Variants in ADAMTS6 observed in about 807,000 individuals in gnomAD.
The protein encoded by ADAMTS6 is ADAM metallopeptidase with thrombospondin type 1 motif 6, also known as A disintegrin and metalloproteinase with thrombospondin motifs 6.
A neutral mutation model predicts 144.3 loss-of-function variants in ADAMTS6; 23 were observed. The ratio of observed to expected loss-of-function variants is 0.16; its 90% CI spans 0.11 to 0.23. ADAMTS6 has a LOEUF of 0.23. Ranked by LOEUF, ADAMTS6 falls within the 10% of genes least tolerant of loss-of-function variation. ADAMTS6 has a pLI of 1.00. For synonymous variants in ADAMTS6, 444 were observed against 457.5 expected, an observed-to-expected ratio of 0.97 and a Z score of 0.38; for missense variants, 999 against 1,379.6, an observed-to-expected ratio of 0.72 and a Z score of 4.37.
At chr5:65,440,302 A>T (rs1221920075) in intron 7 of ADAMTS6, among the ~76,000 whole-genome samples, 2 of 152,208 alleles carry the variant, frequency 1.3e-5, no homozygotes, top group East Asian at 3.9e-4. Flanking sequence ...AACAAATTAT[A>T]TGAAATATCA....
At chr5:65,330,596 C>A (rs1054481157) in intron 8 of ADAMTS6, among the ~76,000 whole-genome samples, 2 of 152,042 alleles carry the variant, frequency 1.3e-5, no homozygotes, top group African/African-American at 4.8e-5. Context: ...TAATTAGAAA[C>A]AATAAATGGT....
intron 7 of ADAMTS6, among the ~76,000 whole-genome samples, chr5:65,373,605 G>A (rs1242292313): frequency 6.6e-6 from 1 of 152,016 alleles, no homozygotes; most frequent in Non-Finnish European, 1.5e-5. Flanking sequence ...TTGAAATTGT[G>A]GCAATAATCA....
chr5:65,219,270 C>T (rs1397854503), intron 18 of ADAMTS6, among the ~76,000 whole-genome samples: 2 of 152,174 alleles, frequency 1.3e-5, no homozygotes, highest in African/African-American at 4.8e-5. Flanking sequence ...TCTGCTTTCA[C>T]ACTACAATGG....
intron 7 of ADAMTS6, among the ~76,000 whole-genome samples, chr5:65,402,878 G>T (rs1754054355): frequency 6.6e-6 from 1 of 152,048 alleles, no homozygotes. Flanking sequence ...TGAACTCCAT[G>T]GACTCTTCAG....
intron 7 of ADAMTS6, among the ~76,000 whole-genome samples, chr5:65,399,134 G>A (rs758646182): frequency 1.3e-5 from 2 of 152,034 alleles, no homozygotes; most frequent in South Asian, 2.1e-4. Flanking sequence ...GTGGGCGCCT[G>A]TAATCCCATC....
At chr5:65,407,276 C>T (rs1754605240) in intron 7 of ADAMTS6, among the ~76,000 whole-genome samples, 1 of 151,838 alleles carries the variant, frequency 6.6e-6, no homozygotes, top group Non-Finnish European at 1.5e-5. Context: ...ATCAGACTAA[C>T]AGCAGATCTC....
intron 14 of ADAMTS6, among the ~76,000 whole-genome samples, chr5:65,242,996 T>C (rs1310577648): frequency 1.3e-5 from 2 of 152,096 alleles, no homozygotes; most frequent in Non-Finnish European, 2.9e-5. Context: ...CTAGATTCTA[T>C]ATACCACAGG....
intron 7 of ADAMTS6, among the ~76,000 whole-genome samples, chr5:65,402,968 CT>C (rs201153507): frequency 2.1e-4 from 32 of 151,066 alleles, no homozygotes; most frequent in African/African-American, 7.0e-4. Flanking sequence ...CCTTTTCTTC[CT>C]TTTTTTTTCA....
Position 65,473,631 on chromosome 5 carries a change from T to G in ADAMTS6, c.43A>C (p.Ile15Leu), listed in dbSNP as rs777425578. 1.1e-5 allele frequency: 17 copies of G among 1,613,764 alleles called. No homozygotes were observed. The highest frequency in any genetic ancestry group is 1.4e-5 in the Non-Finnish European group (17 of 1,179,776). Residue 15 changes from isoleucine to leucine, a missense_variant, in exon 2 of 25, where the codon ATC becomes CTC. Physicochemically the swap from Ile to Leu is conservative, Grantham distance 5. Around this residue, in one of 3 missense-constraint regions of ADAMTS6, gnomAD observed 252 missense variants for 293.7 expected, o/e 0.86. Coordinates refer to ENST00000381055, the MANE Select transcript of ADAMTS6 (RefSeq NM_197941.4). ...WKTLTWILSL[I>L]MASSEFHSDH... ...CTATGAAATTCCGATGAAGCCATGA[T>G]GAGGCTCAAAATCCAGGTCAACGTC...
intron 1 of ADAMTS6, among the ~76,000 whole-genome samples, chr5:65,474,158 GT>G (rs1760673554): frequency 6.6e-6 from 1 of 152,014 alleles, no homozygotes. Context: ...TAATGCCAGA[GT>G]TACTTAATAA....
intron 11 of ADAMTS6, among the ~76,000 whole-genome samples, chr5:65,282,294 T>C (rs1399618774): frequency 6.6e-6 from 1 of 152,076 alleles, no homozygotes; most frequent in Non-Finnish European, 1.5e-5. Flanking sequence ...GATTTTCTGA[T>C]TGGCAGTTGG....
chr5:65,420,032 G>C (rs1194752195), intron 7 of ADAMTS6, among the ~76,000 whole-genome samples: 2 of 152,164 alleles, frequency 1.3e-5, no homozygotes, highest in Non-Finnish European at 2.9e-5. Flanking sequence ...AATTCAGCAT[G>C]GCTGGGGAGG....
At chr5:65,362,523 G>C (rs1417152573) in intron 7 of ADAMTS6, among the ~76,000 whole-genome samples, 1 of 151,812 alleles carries the variant, frequency 6.6e-6, no homozygotes, top group South Asian at 2.1e-4. Flanking sequence ...CTCTGAGACT[G>C]TTTCTTAAAA....
chr5:65,383,788 C>G (rs1347181046), intron 7 of ADAMTS6, among the ~76,000 whole-genome samples: 1 of 152,102 alleles, frequency 6.6e-6, no homozygotes, highest in Non-Finnish European at 1.5e-5. Flanking sequence ...TGGGGGCCCT[C>G]TATGGTGACT....
At position 65,260,477 on chromosome 5, in the gene ADAMTS6, T is replaced by C. The variant is rs191496212; in HGVS notation, c.1830+123A>G. 128 of 741,980 alleles carry C rather than the reference T, an allele frequency of 1.7e-4. No individual in the cohort carries two copies. The East Asian group carries it at 3.4e-3, about 20-fold the overall frequency. The allele number at this position is 741,980 out of a possible 1,614,324, so 46.0% of individuals were successfully genotyped here. A position where few individuals can be genotyped will look rare whatever the true frequency, so the allele number is the denominator to read the frequency against. On this transcript the variant is annotated intron_variant, in intron 14 of 24. Coordinates refer to ENST00000381055, the MANE Select transcript of ADAMTS6 (RefSeq NM_197941.4). ...CCAGCTCCATTCATTATTAACAATT[T>C]AGAAAATTAATGTGACCTTCACACA...
chr5:65,340,242 A>C (rs1747693519), intron 7 of ADAMTS6, among the ~76,000 whole-genome samples: 1 of 152,152 alleles, frequency 6.6e-6, no homozygotes, highest in Non-Finnish European at 1.5e-5. Flanking sequence ...AAAGAAAAAA[A>C]AAATATGCCA....
Position 65,452,826 on chromosome 5 carries a change from G to C in ADAMTS6, c.724C>G (p.Gln242Glu), listed in dbSNP as rs1758858564. The change falls in exon 5 of 25, where the codon CAG becomes GAG. Residue 242 changes from glutamine to glutamate, a missense_variant. By Grantham distance (29) the Gln-to-Glu change is conservative. This residue lies in a region of ADAMTS6 where 252 missense variants were observed against 293.7 expected (regional missense o/e 0.86). Transcript: ENST00000381055. ...CGTTCAATGCTCACTGATCTCTTCT[G>C]TCTGTGGTGGATATGTGTGTTGTTA... ...PINNTHIHHRQKRSVSIERFV... is the reference protein window; with the variant it reads ...PINNTHIHHREKRSVSIERFV... 5 of 1,613,970 alleles carry C rather than the reference G, an allele frequency of 3.1e-6. No individual in the cohort carries two copies. The Admixed American group carries it at 5.0e-5, about 16-fold the overall frequency.
intron 4 of ADAMTS6, among the ~76,000 whole-genome samples, chr5:65,458,952 C>T (rs1759436141): frequency 1.3e-5 from 2 of 152,094 alleles, no homozygotes. Context: ...TTGGGTAATT[C>T]GTCCTATGCT....
At chr5:65,239,376 T>A (rs1482035884) in intron 15 of ADAMTS6, among the ~76,000 whole-genome samples, 1 of 151,816 alleles carries the variant, frequency 6.6e-6, no homozygotes, top group Non-Finnish European at 1.5e-5. Context: ...TCCATAAATA[T>A]ACTACAGATA....
Sources: gnomAD v4.1 joint callset for allele counts (sites outside exome capture counted in the v4.1 genomes callset) on GRCh38, gnomAD v4.1.1 for gene constraint, gnomAD v4.1.1 regional missense constraint, MANE v1.5 for transcripts, NCBI Gene and HGNC (gene_info 2026-07-23, HGNC 2026-07-21) for gene names.